The following ATP8A1 variants were observed in gnomAD, a reference collection of about 807,000 sequenced individuals.
ATP8A1 encodes phospholipid-transporting ATPase IA.
In ATP8A1, 90 loss-of-function variants were observed where a neutral mutation model predicts 177.7. The ratio of observed to expected loss-of-function variants is 0.51; its 90% CI spans 0.43 to 0.60. The LOEUF is 0.60. Among genes scored for constraint, ATP8A1 ranks in the 20% least tolerant of loss-of-function variants. The pLI is 0.00. For missense variants in ATP8A1, 1,072 were observed against 1,392.8 expected (o/e 0.77, Z 3.67); for synonymous variants, 493 against 485.9 (o/e 1.01, Z -0.19).
At chr4:42,576,319 C>CA (rs1208329189) in intron 12 of ATP8A1, among the ~76,000 whole-genome samples, 1 of 150,974 alleles carries the variant, frequency 6.6e-6, no homozygotes. Flanking sequence ...AAAAAAAATA[C>CA]AAAAAAATCA....
In ATP8A1 at chr4:42,479,996, T is replaced by TGTGTGTG. The variant is rs1721493242; in HGVS notation, c.2324+5499_2324+5500insCACACAC. On this transcript the variant is annotated intron_variant, in intron 25 of 36. Transcript: ENST00000381668. ...AGAATTATGTAATCTGCAGTTCTGC[T>TGTGTGTG]TGTGTGTGTGTGTGTGTGTGTGTGT... is the stretch of plus-strand genomic sequence containing the variant. Among the ~76,000 whole-genome samples, 16 of 135,658 alleles carry TGTGTGTG rather than the reference T, an allele frequency of 1.2e-4. 1 individual carries two copies. Among genetic ancestry groups the TGTGTGTG allele is most frequent in the East Asian group, 1.1e-3 (5 of 4,570 alleles). 89.0% of individuals were successfully genotyped at this position (135,658 alleles called of 152,430 possible). A position where few individuals can be genotyped will look rare whatever the true frequency, so the allele number is the denominator to read the frequency against.
chr4:42,447,768 T>C (rs1355077824), intron 30 of ATP8A1, among the ~76,000 whole-genome samples: 1 of 152,232 alleles, frequency 6.6e-6, no homozygotes, highest in Admixed American at 6.5e-5. Flanking sequence ...TCTATTACTA[T>C]TAACAGTTGT....
At chr4:42,612,920 T>G (rs1458654242) in intron 5 of ATP8A1, among the ~76,000 whole-genome samples, 3 of 152,194 alleles carry the variant, frequency 2.0e-5, no homozygotes, top group African/African-American at 7.2e-5. Context: ...GGTTAACATT[T>G]GATTGAGAAA....
chr4:42,483,653 TC>T (rs1721918393), intron 25 of ATP8A1, among the ~76,000 whole-genome samples: 1 of 152,200 alleles, frequency 6.6e-6, no homozygotes, highest in South Asian at 2.1e-4. Context: ...ATATTTTTTC[TC>T]CCTTGACTCT....
At chr4:42,428,249 C>A (rs1246945524) in intron 33 of ATP8A1, among the ~76,000 whole-genome samples, 2 of 152,218 alleles carry the variant, frequency 1.3e-5, no homozygotes, top group Admixed American at 1.3e-4. Context: ...AGATTTCTCA[C>A]CTGAACTTGA....
intron 20 of ATP8A1, among the ~76,000 whole-genome samples, chr4:42,540,582 C>T (rs1450819413): frequency 6.6e-6 from 1 of 151,068 alleles, no homozygotes; most frequent in Non-Finnish European, 1.5e-5. Context: ...TATATACACA[C>T]AATGGTATAC....
intron 25 of ATP8A1, among the ~76,000 whole-genome samples, chr4:42,476,394 G>C (rs547664364): frequency 1.3e-5 from 2 of 151,720 alleles, no homozygotes; most frequent in Non-Finnish European, 2.9e-5. Context: ...TGAGTCGGGC[G>C]GATCTCTTGA....
intron 33 of ATP8A1, among the ~76,000 whole-genome samples, chr4:42,425,239 A>C (rs917042723): frequency 6.6e-6 from 1 of 151,936 alleles, no homozygotes; most frequent in Non-Finnish European, 1.5e-5. Context: ...GGGGCAAGAG[A>C]AGGAGGATTT....
intron 5 of ATP8A1, among the ~76,000 whole-genome samples, chr4:42,600,751 T>C (rs546841191): frequency 6.6e-6 from 1 of 152,248 alleles, no homozygotes; most frequent in South Asian, 2.1e-4. Flanking sequence ...CTGATTGGTG[T>C]TACCAAGGGC....
At chr4:42,610,218 T>C (rs961670887) in intron 5 of ATP8A1, among the ~76,000 whole-genome samples, 6 of 151,950 alleles carry the variant, frequency 3.9e-5, no homozygotes, top group African/African-American at 1.5e-4. Context: ...CCCGACAAGA[T>C]TATAATTTCC....
chr4:42,513,456 A>G (rs1725220087), intron 22 of ATP8A1, among the ~76,000 whole-genome samples: 1 of 152,240 alleles, frequency 6.6e-6, no homozygotes, highest in Admixed American at 6.5e-5. Context: ...AATCTATCCA[A>G]CATGAGCTGA....
At chr4:42,626,929 T>C in intron 2 of ATP8A1, 66 bp downstream of exon 2, 1 of 1,273,760 alleles carries the variant, frequency 7.9e-7, no homozygotes, top group Non-Finnish European at 1.1e-6. Flanking sequence ...TTGCAAGCAT[T>C]TTCATTTTGA....
At position 42,412,921 on chromosome 4, in the gene ATP8A1, A is replaced by G. The variant is rs1003865284; in HGVS notation, c.3490T>C (p.Trp1164Arg). 5 of 1,613,338 alleles carry G rather than the reference A, an allele frequency of 3.1e-6. No homozygotes were observed. Among genetic ancestry groups the G allele is most frequent in the East Asian group, 2.2e-5 (1 of 44,868 alleles). Residue 1164 changes from tryptophan (W) to arginine (R), a missense_variant, in exon 37 of 37, where the codon TGG becomes CGG. Around this residue, in one of 5 missense-constraint regions of ATP8A1, gnomAD observed 316 missense variants for 459.1 expected, o/e 0.69. Coordinates refer to ENST00000381668, the MANE Select transcript of ATP8A1 (RefSeq NM_006095.2). Reference sequence around the variant, plus strand: ...TGCCTTTCAGGCTCTCCCCATCACCATTCGTCGGGCCTCTGTTTCGTGGTA... The same window carrying G: ...TGCCTTTCAGGCTCTCCCCATCACCGTTCGTCGGGCCTCTGTTTCGTGGTA... ...YDTTKQRPDE[W>R]
At chr4:42,551,812 C>T (rs922391145) in intron 17 of ATP8A1, among the ~76,000 whole-genome samples, 2 of 152,116 alleles carry the variant, frequency 1.3e-5, no homozygotes, top group Admixed American at 1.3e-4. Flanking sequence ...AGTTTCTACC[C>T]TAATGATATG....
chr4:42,616,111 A>T (rs1736888063), intron 4 of ATP8A1, 33 bp from the exon 5 acceptor site: 1 of 1,584,858 alleles, frequency 6.3e-7, no homozygotes, highest in Non-Finnish European at 8.6e-7. Context: ...ACAACTGTGA[A>T]AATGTGAATA....
chr4:42,655,025 A>C (rs1234833290), intron 1 of ATP8A1, among the ~76,000 whole-genome samples: 1 of 152,250 alleles, frequency 6.6e-6, no homozygotes, highest in Non-Finnish European at 1.5e-5. Flanking sequence ...GCTATAATAA[A>C]CTGGAATCAA....
At chr4:42,421,499 G>A (rs1437059043) in intron 35 of ATP8A1, among the ~76,000 whole-genome samples, 1 of 152,130 alleles carries the variant, frequency 6.6e-6, no homozygotes, top group East Asian at 1.9e-4. Flanking sequence ...TGATGGATCT[G>A]TATAGGGTTG....
At chr4:42,533,915 C>G (rs543268684) in intron 20 of ATP8A1, among the ~76,000 whole-genome samples, 1 of 152,000 alleles carries the variant, frequency 6.6e-6, no homozygotes, top group African/African-American at 2.4e-5. Flanking sequence ...AGATCAAGAA[C>G]GGAAATAACA....
chr4:42,500,906 TAGAA>T (rs1469731281), intron 24 of ATP8A1, among the ~76,000 whole-genome samples: 1 of 152,160 alleles, frequency 6.6e-6, no homozygotes, highest in African/African-American at 2.4e-5. Flanking sequence ...AAGAAAAAAT[TAGAA>T]AGCCCAGTGG....
Sources: allele counts gnomAD v4.1 joint callset (sites outside exome capture counted in the v4.1 genomes callset), GRCh38; gene constraint gnomAD v4.1.1; regional missense constraint gnomAD v4.1.1; transcripts MANE v1.5; gene names NCBI Gene and HGNC (gene_info 2026-07-23, HGNC 2026-07-21).